The following COL5A1 variants were observed in gnomAD, a reference collection of about 807,000 sequenced individuals.
The protein encoded by COL5A1 is collagen type V alpha 1 chain.
In COL5A1, 16 loss-of-function variants were observed where a neutral mutation model predicts 263.7. The ratio of observed to expected loss-of-function variants is 0.06; its 90% CI spans 0.04 to 0.09. The LOEUF (loss-of-function observed/expected upper bound fraction) is 0.09. COL5A1 is among the 10% of genes least tolerant of loss of function. The pLI is 1.00. For missense variants in COL5A1, 2,036 were observed against 2,540.5 expected (o/e 0.80, Z 4.27); for synonymous variants, 1,012 against 1,004.5 (o/e 1.01, Z -0.14).
chr9:134,798,953 A>G (rs1838014989), intron 37 of COL5A1, among the ~76,000 whole-genome samples: 1 of 152,212 alleles, frequency 6.6e-6, no homozygotes, highest in Admixed American at 6.5e-5. Flanking sequence ...GCTGTGGGCC[A>G]TGCACCAACC....
chr9:134,825,286 G>A (rs964250496), intron 62 of COL5A1, among the ~76,000 whole-genome samples: 4 of 152,176 alleles, frequency 2.6e-5, no homozygotes, highest in Admixed American at 6.5e-5. Flanking sequence ...TTGGGCAAAC[G>A]GCCTTCAAAC....
At chr9:134,712,096 TCCTATCCC>T (rs1304061277) in intron 4 of COL5A1, among the ~76,000 whole-genome samples, 7 of 111,384 alleles carry the variant, frequency 6.3e-5, no homozygotes, top group Non-Finnish European at 1.1e-4. Flanking sequence ...CCTTCCTTCT[TCCTATCCC>T]CCTTCCTTCC....
chr9:134,812,780 G>C lies in COL5A1; in HGVS notation c.3852+68G>C, dbSNP rs866719804. On this transcript the variant is annotated intron_variant, in intron 48 of 65. Transcript: ENST00000371817. ...GAGGAGTGTGTGTGTGTGTCTGTGT[G>C]TGTGTGTCTGTGTGTATGTGTATGT... The C allele has an allele frequency of 2.4e-5, 26 of 1,062,590 alleles. No homozygotes were observed. In the Admixed American group the frequency reaches 3.0e-4, roughly 12 times the overall value. The allele number at this position is 1,062,590 out of a possible 1,614,324, so 65.8% of individuals were successfully genotyped here. A position where few individuals can be genotyped will look rare whatever the true frequency, so the allele number is the denominator to read the frequency against.
rs1832868234 is a variant in COL5A1, at chr9:134,681,855, T to G, written c.110-9057T>G. On this transcript the variant is annotated intron_variant, in intron 1 of 65. Coordinates refer to ENST00000371817, the MANE Select transcript of COL5A1 (RefSeq NM_000093.5). This position sits in a 1 kb window ranked among gnomAD's most constrained non-coding sequence, Gnocchi z 4.3. ...ATTGACTTTGGGGCCTGCAGAAACC[T>G]CCCCTCTCTTCCTCGCTCTTCCTCT... is the stretch of plus-strand genomic sequence containing the variant. 6.6e-6 allele frequency among the ~76,000 whole-genome samples: 1 copy of G among 151,752 alleles called. No homozygotes were observed. The highest frequency in any genetic ancestry group is 2.4e-5 in the African/African-American group (1 of 41,282).
intron 9 of COL5A1, among the ~76,000 whole-genome samples, chr9:134,737,064 T>C (rs1237058896): frequency 6.6e-6 from 1 of 152,206 alleles, no homozygotes; most frequent in Admixed American, 6.5e-5. Flanking sequence ...CTGGTGACGC[T>C]ACAGTCCTGG....
intron 6 of COL5A1, among the ~76,000 whole-genome samples, chr9:134,729,583 C>A (rs1382490217): frequency 1.1e-3 from 50 of 46,680 alleles, no homozygotes; most frequent in East Asian, 1.7e-3. Flanking sequence ...CGTGTGTGAG[C>A]GTGTGTGCAT....
chr9:134,744,822 T>C (rs570549566), intron 11 of COL5A1, among the ~76,000 whole-genome samples: 1 of 148,782 alleles, frequency 6.7e-6, no homozygotes, highest in South Asian at 2.1e-4. Flanking sequence ...CGCACACTCA[T>C]GCATGCATGC....
chr9:134,773,626 T>C (rs1836945492), intron 26 of COL5A1, among the ~76,000 whole-genome samples: 1 of 152,220 alleles, frequency 6.6e-6, no homozygotes. Context: ...ATTTATCTCT[T>C]GAAGCAGGGC....
Position 134,768,462 on chromosome 9 carries a change from C to A in COL5A1, c.2285C>A (p.Pro762Gln), listed in dbSNP as rs138259992. ...GGAATGCCCGGTGCTGACGGACCCC[C>A]GGTGAGTAGCCCTGCCCACCTCATC... Reference protein sequence around the residue: ...LPGMPGADGPPGHPGKEGPPG... With the variant: ...LPGMPGADGPQGHPGKEGPPG... Residue 762 changes from proline to glutamine, a missense_variant and splice_region_variant, in exon 25 of 66, where the codon CCG (proline) becomes CAG (glutamine). Pro to Gln is a moderately conservative substitution (Grantham distance 76). Around this residue, in one of 3 missense-constraint regions of COL5A1, gnomAD observed 1,078 missense variants for 1,521.4 expected, o/e 0.71. Transcript: ENST00000371817. The A allele has an allele frequency of 6.2e-7, 1 of 1,613,954 alleles. No individual in the cohort carries two copies. The highest frequency in any genetic ancestry group is 1.7e-5 in the Admixed American group (1 of 60,026).
intron 28 of COL5A1, 62 bp downstream of exon 28, chr9:134,780,208 G>T: frequency 6.6e-7 from 1 of 1,521,996 alleles, no homozygotes; most frequent in South Asian, 1.1e-5. Context: ...TCCAGCCAGC[G>T]GGGCCCTCCC....
At chr9:134,645,926 T>C (rs1234845878) in intron 1 of COL5A1, among the ~76,000 whole-genome samples, 1 of 152,200 alleles carries the variant, frequency 6.6e-6, no homozygotes, top group Non-Finnish European at 1.5e-5. Flanking sequence ...TAAGTTCCTT[T>C]CTTTCTCCTT....
chr9:134,745,373 C>T (rs1038422479), intron 11 of COL5A1, among the ~76,000 whole-genome samples: 6 of 152,048 alleles, frequency 3.9e-5, no homozygotes, highest in Admixed American at 3.3e-4. Flanking sequence ...GCTGTAGGAC[C>T]CCATGCAGGG....
In COL5A1 at chr9:134,802,945, C is replaced by G; in HGVS notation, c.3064C>G (p.Pro1022Ala). ...GCGTGGCCACCCTGGGCCCCCTGGA[C>G]CCCCCGGTGAACAGGGGCTTCCGGG... is the stretch of plus-strand genomic sequence containing the variant. ...GERGHPGPPGPPGEQGLPGLA... is the reference protein window; with the variant it reads ...GERGHPGPPGAPGEQGLPGLA... Residue 1022 changes from proline to alanine, a missense_variant, in exon 39 of 66, where the codon CCC (proline) becomes GCC (alanine). Around this residue, in one of 3 missense-constraint regions of COL5A1, gnomAD observed 1,078 missense variants for 1,521.4 expected, o/e 0.71. Transcript: ENST00000371817. The G allele has an allele frequency of 1.9e-6, 3 of 1,610,572 alleles. No individual in the cohort carries two copies. The highest frequency in any genetic ancestry group is 2.2e-5 in the South Asian group (2 of 90,396).
At chr9:134,788,612 GA>G (rs746785550) in intron 31 of COL5A1, among the ~76,000 whole-genome samples, 2 of 151,614 alleles carry the variant, frequency 1.3e-5, no homozygotes, top group Non-Finnish European at 2.9e-5. Context: ...CAGATAGATG[GA>G]TAGAGAGATA....
At position 134,842,432 on chromosome 9, in the gene COL5A1, T is replaced by A; in HGVS notation, c.*129T>A. The A allele has an allele frequency of 8.6e-7, 1 of 1,169,282 alleles. No individual in the cohort carries two copies. Among genetic ancestry groups the A allele is most frequent in the Non-Finnish European group, 1.2e-6 (1 of 814,408 alleles). The allele number at this position is 1,169,282 out of a possible 1,614,324, so 72.4% of individuals were successfully genotyped here. A position where few individuals can be genotyped will look rare whatever the true frequency, so the allele number is the denominator to read the frequency against. The stretch of plus-strand genomic sequence containing the variant: ...CCCTCCCCTCCCACCTGACTTCATC[T>A]ACGCCTCGGCACCACGGGGTGTGGG... On this transcript the variant is annotated 3_prime_UTR_variant, in exon 66 of 66. Transcript: ENST00000371817. The surrounding 1 kb of genome is among the most constrained non-coding windows in gnomAD (Gnocchi z 5.8).
chr9:134,830,422 G>A, intron 64 of COL5A1: 2 of 579,104 alleles, frequency 3.5e-6, no homozygotes, highest in South Asian at 4.0e-5. Context: ...GGCGCGCAGA[G>A]CTGGGTGTGG....
chr9:134,664,091 G>T (rs1832287878), intron 1 of COL5A1, among the ~76,000 whole-genome samples: 1 of 152,198 alleles, frequency 6.6e-6, no homozygotes, highest in Admixed American at 6.5e-5. Flanking sequence ...GTAGGGTTTG[G>T]TAAAGACAGC....
At chr9:134,761,477 G>C (rs1211057806) in intron 18 of COL5A1, among the ~76,000 whole-genome samples, 1 of 152,234 alleles carries the variant, frequency 6.6e-6, no homozygotes, top group African/African-American at 2.4e-5. Flanking sequence ...GGCTGTCCCT[G>C]ACTCAGCTCC....
chr9:134,645,531 C>T (rs540029866), intron 1 of COL5A1, among the ~76,000 whole-genome samples: 3 of 152,248 alleles, frequency 2.0e-5, no homozygotes, highest in Admixed American at 6.5e-5. Context: ...TGCTCGGTCA[C>T]GTGACGTGGC....
Sources: allele counts gnomAD v4.1 joint callset (sites outside exome capture counted in the v4.1 genomes callset), GRCh38; gene constraint gnomAD v4.1.1; regional missense constraint gnomAD v4.1.1; non-coding constraint Gnocchi (gnomAD v3.1); transcripts MANE v1.5; gene names NCBI Gene and HGNC (gene_info 2026-07-23, HGNC 2026-07-21).